Variants in EOGT observed in about 807,000 individuals in gnomAD.
EOGT encodes EGF domain-specific O-linked N-acetylglucosamine transferase.
A neutral mutation model predicts 70.5 loss-of-function variants in EOGT; 55 were observed. The ratio of observed to expected loss-of-function variants is 0.78; its 90% confidence interval spans 0.63 to 0.98. The LOEUF is 0.98. EOGT is among the 50% of genes least tolerant of loss of function. EOGT has a pLI of 0.00. For missense variants in EOGT, 703 were observed against 641.9 expected, an observed-to-expected ratio of 1.10 and a Z score of -1.03; for synonymous variants, 246 against 217.1, an observed-to-expected ratio of 1.13 and a Z score of -1.17.
intron 10 of EOGT, among the ~76,000 whole-genome samples, chr3:68,991,055 A>C (rs887825077): frequency 1.3e-5 from 2 of 152,236 alleles, no homozygotes; most frequent in Admixed American, 6.5e-5. Flanking sequence ...TTCCTGAGAT[A>C]AAATACTTCA....
chr3:68,996,369 C>A (rs749293906), intron 10 of EOGT, among the ~76,000 whole-genome samples: 4 of 152,164 alleles, frequency 2.6e-5, no homozygotes, highest in Non-Finnish European at 4.4e-5. Flanking sequence ...AATTTGACCT[C>A]CTGTTAACTA....
In EOGT at chr3:69,004,389, A is replaced by T. The variant is rs368167993; in HGVS notation, c.609T>A (p.Pro203=). Residue 203 remains proline (P), a synonymous_variant, in exon 8 of 18, where the codon CCT becomes CCA. Coordinates refer to ENST00000383701, the MANE Select transcript of EOGT (RefSeq NM_001278689.2). ...TLTSEGQRKS[P]LQSWFAELQS... ...TAAAAATATCTTACCATGACTGCAG[A>T]GGGCTTTTGCGCTGACCTTCAGACG... 16 of 1,612,904 alleles carry T rather than the reference A, an allele frequency of 9.9e-6. No individual in the cohort carries two copies. Among genetic ancestry groups the T allele is most frequent in the Non-Finnish European group, 1.3e-5 (15 of 1,179,054 alleles).
intron 10 of EOGT, among the ~76,000 whole-genome samples, chr3:68,994,207 G>A (rs1161092840): frequency 6.6e-6 from 1 of 152,122 alleles, no homozygotes; most frequent in Non-Finnish European, 1.5e-5. Flanking sequence ...AGCCAGGTAT[G>A]GTGGCATGCA....
intron 15 of EOGT, among the ~76,000 whole-genome samples, chr3:68,982,128 T>G (rs1246131132): frequency 6.6e-6 from 1 of 152,148 alleles, no homozygotes; most frequent in African/African-American, 2.4e-5. Context: ...AGGTTGGTCT[T>G]GAACTCCTGA....
intron 10 of EOGT, among the ~76,000 whole-genome samples, chr3:68,990,883 T>C (rs2090975413): frequency 1.4e-5 from 2 of 143,532 alleles, no homozygotes. Context: ...TTCAAAGTTA[T>C]TGAGATCTGT....
intron 10 of EOGT, among the ~76,000 whole-genome samples, chr3:68,989,521 G>A (rs1366221991): frequency 2.0e-5 from 3 of 151,968 alleles, no homozygotes; most frequent in Non-Finnish European, 4.4e-5. Context: ...GCCGAGGCGG[G>A]CAGATCACCT....
intron 9 of EOGT, among the ~76,000 whole-genome samples, chr3:69,001,191 C>G (rs1017477487): frequency 6.6e-6 from 1 of 152,046 alleles, no homozygotes; most frequent in Non-Finnish European, 1.5e-5. Context: ...ATCTCCTGAC[C>G]TCGTGATCTG....
rs2091536738 is a variant in EOGT at position 69,009,989 on chromosome 3, C to A, written c.-14-129G>T. The A allele has an allele frequency of 4.3e-6, 3 of 689,936 alleles. No individual in the cohort carries two copies. In the East Asian group the frequency reaches 8.1e-5, roughly 19 times the overall value. The allele number at this position is 689,936 out of a possible 1,614,324, so 42.7% of individuals were successfully genotyped here. A position where few individuals can be genotyped will look rare whatever the true frequency, so the allele number is the denominator to read the frequency against. On this transcript the variant is annotated intron_variant, in intron 3 of 17. Coordinates refer to ENST00000383701, the MANE Select transcript of EOGT (RefSeq NM_001278689.2). ...CTAAGTATAATTACAAAGCACTTTG[C>A]TATCCCACTGAATAATGATCCTTTA...
In EOGT at chr3:68,975,627, A is replaced by G. The variant is rs1033945500; in HGVS notation, c.*1991T>C. On this transcript the variant is annotated 3_prime_UTR_variant, in exon 18 of 18. Coordinates refer to ENST00000383701, the MANE Select transcript of EOGT (RefSeq NM_001278689.2). ...TCCCTTTCATCTGAAATATTTTCCC[A>G]GTGGTTACTCAGTATTTTGCACACA... 1.3e-5 allele frequency: 2 copies of G among 152,534 alleles called. No individual in the cohort carries two copies. The highest frequency in any genetic ancestry group is 4.8e-5 in the African/African-American group (2 of 41,462). The allele number at this position is 152,534 out of a possible 1,614,324, so 9.4% of individuals were successfully genotyped here.
intron 14 of EOGT, among the ~76,000 whole-genome samples, chr3:68,984,681 G>A (rs988396615): frequency 2.5e-4 from 38 of 152,138 alleles, no homozygotes; most frequent in Non-Finnish European, 7.3e-5. Flanking sequence ...CTTGGAGTTG[G>A]GGGCTGAATG....
Position 68,977,448 on chromosome 3 carries a change from A to G in EOGT, c.*170T>C. ...GATAAATAGCAATGACACAAAAACC[A>G]CATGAAACACTTAACATCTATACAA... On this transcript the variant is annotated 3_prime_UTR_variant, in exon 18 of 18. Coordinates refer to ENST00000383701, the MANE Select transcript of EOGT (RefSeq NM_001278689.2). 1.6e-6 allele frequency: 1 copy of G among 628,518 alleles called. No homozygotes were observed. The highest frequency in any genetic ancestry group is 2.5e-6 in the Non-Finnish European group (1 of 392,530). 38.9% of individuals were successfully genotyped at this position (628,518 alleles called of 1,614,324 possible).
At position 68,988,524 on chromosome 3, in the gene EOGT, C is replaced by T; in HGVS notation, c.978G>A (p.Leu326=). Residue 326 remains leucine, a synonymous_variant, in exon 12 of 18, where the codon CTG becomes CTA. Coordinates refer to ENST00000383701, the MANE Select transcript of EOGT (RefSeq NM_001278689.2). Reference sequence around the variant, plus strand: ...TGCTTACCAGAGGAGTATTATAGAACAGCCCATACCTCATGCGGGGGAGTA... The same window carrying T: ...TGCTTACCAGAGGAGTATTATAGAATAGCCCATACCTCATGCGGGGGAGTA... ...FSLLPRMRYG[L]FYNTPLISGC... The T allele has an allele frequency of 1.3e-6, 2 of 1,533,084 alleles. No homozygotes were observed. Among genetic ancestry groups the T allele is most frequent in the South Asian group, 2.4e-5 (2 of 83,818 alleles). 95.0% of individuals were successfully genotyped at this position (1,533,084 alleles called of 1,614,324 possible). A position where few individuals can be genotyped will look rare whatever the true frequency, so the allele number is the denominator to read the frequency against.
intron 8 of EOGT, 103 bp downstream of exon 8, chr3:69,004,275 A>G: frequency 1.2e-6 from 1 of 841,652 alleles, no homozygotes; most frequent in Non-Finnish European, 1.9e-6. Context: ...CAAATTATGT[A>G]CAAATGAAGT....
At chr3:68,992,367 A>G (rs1490351658) in intron 10 of EOGT, among the ~76,000 whole-genome samples, 1 of 152,204 alleles carries the variant, frequency 6.6e-6, no homozygotes, top group Non-Finnish European at 1.5e-5. Flanking sequence ...AAGGGGTTAC[A>G]GGGCCCATGC....
chr3:68,997,215 T>TA (rs1207468892), intron 10 of EOGT, among the ~76,000 whole-genome samples: 2 of 152,178 alleles, frequency 1.3e-5, no homozygotes, highest in African/African-American at 4.8e-5. Context: ...ACCTGCCCTT[T>TA]ACAGTGAGCT....
Position 69,009,933 on chromosome 3 carries a change from C to A in EOGT, c.-14-73G>T, listed in dbSNP as rs55952435. 0.19 allele frequency: 46,086 copies of A among 242,362 alleles called. 2,738 individuals are homozygous for A. The highest frequency in any genetic ancestry group is 0.28 in the Middle Eastern group (194 of 690). 15.0% of individuals were successfully genotyped at this position (242,362 alleles called of 1,614,324 possible). A position where few individuals can be genotyped will look rare whatever the true frequency, so the allele number is the denominator to read the frequency against. On this transcript the variant is annotated intron_variant, in intron 3 of 17. Coordinates refer to ENST00000383701, the MANE Select transcript of EOGT (RefSeq NM_001278689.2). ...GCCAAAACAACAACAACAACAACAA[C>A]AAAAAAAAAAAAAAAACAAAGGGTC... is the stretch of plus-strand genomic sequence containing the variant.
intron 6 of EOGT, among the ~76,000 whole-genome samples, chr3:69,006,652 G>A (rs970256569): frequency 2.0e-5 from 3 of 152,160 alleles, no homozygotes; most frequent in African/African-American, 2.4e-5. Context: ...TGGCTTTAAG[G>A]CAGAGGAAAT....
Position 68,978,375 on chromosome 3 carries a change from G to A in EOGT, c.1395C>T (p.Tyr465=), listed in dbSNP as rs1423643483. 1 of 1,613,054 alleles carries A rather than the reference G, an allele frequency of 6.2e-7. No individual in the cohort carries two copies. The highest frequency in any genetic ancestry group is 2.2e-5 in the East Asian group (1 of 44,842). ...CTTTGTTCTGCCGTCGCCAAGTGATGTAGTGAACGCCTCTCAGCCTGGCCA... is the reference window on the plus strand; with the variant it reads ...CTTTGTTCTGCCGTCGCCAAGTGATATAGTGAACGCCTCTCAGCCTGGCCA... ...LDLARLRGVH[Y]ITWRRQNKVF... Residue 465 remains tyrosine, a synonymous_variant, in exon 17 of 18, where the codon TAC becomes TAT. Coordinates refer to ENST00000383701, the MANE Select transcript of EOGT (RefSeq NM_001278689.2).
In EOGT at chr3:69,007,756, T is replaced by G; in HGVS notation, c.377A>C (p.Glu126Ala). 1.2e-6 allele frequency: 2 copies of G among 1,613,458 alleles called. No individual in the cohort carries two copies. Among genetic ancestry groups the G allele is most frequent in the Non-Finnish European group, 1.7e-6 (2 of 1,179,582 alleles). The change falls in exon 6 of 18, where the codon GAG becomes GCG. Residue 126 changes from glutamate (E) to alanine (A), a missense_variant. Coordinates refer to ENST00000383701, the MANE Select transcript of EOGT (RefSeq NM_001278689.2). ...WKQADFGYAR[E>A]RLEEMHVLCQ... ...GAGCACATGCATCTCCTCCAGCCTC[T>G]CTCTGGCATATCCAAAGTCAGCTTG...
Sources: gnomAD v4.1 joint callset for allele counts (sites outside exome capture counted in the v4.1 genomes callset) on GRCh38, gnomAD v4.1.1 for gene constraint, MANE v1.5 for transcripts, NCBI Gene and HGNC (gene_info 2026-07-23, HGNC 2026-07-21) for gene names.